The following SERGEF variants were observed in gnomAD, a reference collection of about 807,000 sequenced individuals.
The protein encoded by SERGEF is secretion regulating guanine nucleotide exchange factor, also known as secretion-regulating guanine nucleotide exchange factor.
Under a neutral mutation model 50.0 loss-of-function variants are expected in SERGEF, and 51 were observed. The observed-to-expected ratio is 1.02, with a 90% CI of 0.81 to 1.29. The LOEUF (loss-of-function observed/expected upper bound fraction) is 1.29. Among genes scored for constraint, SERGEF ranks in the 50% most tolerant of loss-of-function variants. SERGEF has a pLI of 0.00. For synonymous variants in SERGEF, 205 were observed against 212.4 expected (o/e 0.97, Z 0.30); for missense variants, 521 against 557.0 (o/e 0.94, Z 0.65).
intron 10 of SERGEF, among the ~76,000 whole-genome samples, chr11:17,872,140 C>G (rs1851150755): frequency 6.6e-6 from 1 of 152,260 alleles, no homozygotes; most frequent in South Asian, 2.1e-4. Context: ...ACAAAAGAAG[C>G]CAAACACCAT....
intron 10 of SERGEF, among the ~76,000 whole-genome samples, chr11:17,825,361 A>G (rs1850173821): frequency 6.6e-6 from 1 of 152,222 alleles, no homozygotes; most frequent in South Asian, 2.1e-4. Flanking sequence ...GCTTATATAC[A>G]TGCCGAAATT....
chr11:17,993,873 A>G (rs1037000973), intron 6 of SERGEF, among the ~76,000 whole-genome samples: 1 of 152,206 alleles, frequency 6.6e-6, no homozygotes, highest in African/African-American at 2.4e-5. Context: ...GAAAAGTGAA[A>G]GACTTTGAGG....
chr11:17,907,650 G>C (rs1392829287), intron 9 of SERGEF, among the ~76,000 whole-genome samples: 1 of 152,216 alleles, frequency 6.6e-6, no homozygotes, highest in African/African-American at 2.4e-5. Flanking sequence ...TCCAGGCAGA[G>C]GGGGAATGAG....
intron 9 of SERGEF, among the ~76,000 whole-genome samples, chr11:17,943,687 T>C (rs893265893): frequency 6.6e-6 from 1 of 152,224 alleles, no homozygotes; most frequent in African/African-American, 2.4e-5. Context: ...AATATATTCA[T>C]TTAAAGATAT....
At chr11:17,882,188 G>A (rs1033339171) in intron 9 of SERGEF, among the ~76,000 whole-genome samples, 8 of 152,132 alleles carry the variant, frequency 5.3e-5, no homozygotes, top group African/African-American at 1.9e-4. Context: ...GGCCAAGGCG[G>A]GGGGATCGTT....
intron 9 of SERGEF, among the ~76,000 whole-genome samples, chr11:17,896,942 T>C (rs1012440810): frequency 1.4e-4 from 18 of 130,896 alleles, no homozygotes; most frequent in African/African-American, 5.3e-4. Flanking sequence ...GGAAGGGAAG[T>C]CTTAAAAAGT....
chr11:17,791,602 G>T (rs916927171), intron 10 of SERGEF, among the ~76,000 whole-genome samples: 2 of 152,024 alleles, frequency 1.3e-5, no homozygotes, highest in African/African-American at 4.8e-5. Flanking sequence ...CTTTTTCCTG[G>T]TTAGTACAGA....
chr11:17,892,942 CTG>C (rs1343430545), intron 9 of SERGEF, among the ~76,000 whole-genome samples: 2 of 152,190 alleles, frequency 1.3e-5, no homozygotes, highest in Non-Finnish European at 2.9e-5. Context: ...CATGTTTTGT[CTG>C]TGTTCACACA....
intron 9 of SERGEF, among the ~76,000 whole-genome samples, chr11:17,920,972 A>T (rs1268303232): frequency 6.6e-6 from 1 of 152,192 alleles, no homozygotes; most frequent in Admixed American, 6.5e-5. Flanking sequence ...TAACAAAGGG[A>T]CATGTTCTAT....
chr11:17,924,246 C>A (rs1590200416), intron 9 of SERGEF, among the ~76,000 whole-genome samples: 1 of 152,204 alleles, frequency 6.6e-6, no homozygotes, highest in African/African-American at 2.4e-5. Context: ...TTGAATTACT[C>A]TGAGAGCAGA....
intron 10 of SERGEF, among the ~76,000 whole-genome samples, chr11:17,868,067 G>A (rs1851065404): frequency 6.6e-6 from 1 of 152,208 alleles, no homozygotes; most frequent in Non-Finnish European, 1.5e-5. Context: ...TTGTCTTGGG[G>A]ATTAACATTT....
Position 18,000,450 on chromosome 11 carries a change from A to T in SERGEF, c.508+47T>A, listed in dbSNP as rs150816240. ...GGCAACAGAGTGAGACCCCATCTCT[A>T]AAAAGTATTAAAAATAAAAATAAAA... On this transcript the variant is annotated intron_variant, in intron 5 of 10. Transcript: ENST00000265965. 6.2e-4 allele frequency: 811 copies of T among 1,311,988 alleles called. 12 individuals carry two copies. The East Asian group carries it at 0.02, about 33-fold the overall frequency. The allele number at this position is 1,311,988 out of a possible 1,614,324, so 81.3% of individuals were successfully genotyped here.
At chr11:17,802,869 T>C (rs1849696593) in intron 10 of SERGEF, among the ~76,000 whole-genome samples, 2 of 152,228 alleles carry the variant, frequency 1.3e-5, no homozygotes, top group Non-Finnish European at 2.9e-5. Flanking sequence ...CAGCACGTAA[T>C]ACCCTATCAT....
intron 9 of SERGEF, among the ~76,000 whole-genome samples, chr11:17,890,871 T>C (rs1488704971): frequency 6.6e-6 from 1 of 152,198 alleles, no homozygotes; most frequent in Non-Finnish European, 1.5e-5. Flanking sequence ...GATGGGGGCA[T>C]GTCAAATGAC....
At chr11:17,923,724 A>T (rs1852200644) in intron 9 of SERGEF, among the ~76,000 whole-genome samples, 1 of 152,122 alleles carries the variant, frequency 6.6e-6, no homozygotes, top group Admixed American at 6.5e-5. Context: ...AGTGCTAGGG[A>T]TGCAGAGGTG....
At chr11:17,814,340 C>T (rs188315041) in intron 10 of SERGEF, among the ~76,000 whole-genome samples, 2 of 152,332 alleles carry the variant, frequency 1.3e-5, no homozygotes. Flanking sequence ...TATCTCCAGA[C>T]TGCAACAGAG....
intron 10 of SERGEF, among the ~76,000 whole-genome samples, chr11:17,793,536 C>G (rs1332125642): frequency 2.6e-5 from 4 of 152,324 alleles, no homozygotes; most frequent in African/African-American, 9.6e-5. Flanking sequence ...TGTTCTCACA[C>G]AGAAGTAAGA....
chr11:17,961,411 G>A (rs1221548795), intron 8 of SERGEF, among the ~76,000 whole-genome samples: 1 of 152,150 alleles, frequency 6.6e-6, no homozygotes, highest in African/African-American at 2.4e-5. Context: ...AAGAAACCAG[G>A]GGATGAGACT....
chr11:17,948,394 C>T (rs745503595), intron 9 of SERGEF, among the ~76,000 whole-genome samples: 1 of 152,134 alleles, frequency 6.6e-6, no homozygotes, highest in African/African-American at 2.4e-5. Context: ...AAGATCAAGC[C>T]GCAGTGTAGT....
Sources: allele counts gnomAD v4.1 joint callset (sites outside exome capture counted in the v4.1 genomes callset), GRCh38; gene constraint gnomAD v4.1.1; transcripts MANE v1.5; gene names NCBI Gene and HGNC (gene_info 2026-07-23, HGNC 2026-07-21).